IMPG1: variants seen among roughly 807,000 people sequenced by gnomAD.
The protein encoded by IMPG1 is interphotoreceptor matrix proteoglycan of 150 kDa.
In IMPG1, 85 loss-of-function variants were observed where a neutral mutation model predicts 92.0. That is an observed-to-expected ratio of 0.92 (90% CI 0.78 to 1.11). The LOEUF is 1.11. IMPG1 is among the 50% of genes least tolerant of loss of function. The probability of loss-of-function intolerance (pLI) is 0.00; values close to 1 mark genes in which losing one functional copy is unlikely to be tolerated. For missense variants in IMPG1, 1,022 were observed against 956.0 expected (o/e 1.07, Z -0.91); for synonymous variants, 367 against 334.1 (o/e 1.10, Z -1.08).
intron 1 of IMPG1, among the ~76,000 whole-genome samples, chr6:76,068,081 G>T (rs924061226): frequency 1.3e-5 from 2 of 152,060 alleles, no homozygotes; most frequent in Non-Finnish European, 2.9e-5. Flanking sequence ...AGCTAACATC[G>T]TACCGAATGG....
intron 15 of IMPG1, among the ~76,000 whole-genome samples, chr6:75,930,390 A>T (rs1042908003): frequency 6.6e-6 from 1 of 152,272 alleles, no homozygotes; most frequent in Admixed American, 6.5e-5. Context: ...GTACATAAAC[A>T]TGAACACCAA....
chr6:75,947,418 T>G lies in IMPG1; in HGVS notation c.1940A>C (p.Tyr647Ser), dbSNP rs202200012. Residue 647 changes from tyrosine (Y) to serine (S), a missense_variant, in exon 14 of 17, where the codon TAT (tyrosine) becomes TCT (serine). Around this residue, in one of 3 missense-constraint regions of IMPG1, gnomAD observed 332 missense variants for 346.2 expected, o/e 0.96. Coordinates refer to ENST00000369950, the MANE Select transcript of IMPG1 (RefSeq NM_001563.4). ...SKMKFAKSVP[Y>S]NLTKAVHGVL... ...CCCGTGCACAGCCTTGGTGAGGTTA[T>G]ACGGCACTGACTTAGCAAACTTCAT... The G allele has an allele frequency of 6.2e-7, 1 of 1,613,964 alleles. No individual in the cohort carries two copies. Among genetic ancestry groups the G allele is most frequent in the African/African-American group, 1.3e-5 (1 of 75,040 alleles).
intron 13 of IMPG1, among the ~76,000 whole-genome samples, chr6:75,948,911 C>T (rs1265020597): frequency 2.0e-5 from 3 of 152,096 alleles, no homozygotes; most frequent in Non-Finnish European, 4.4e-5. Flanking sequence ...CAGGGATGTA[C>T]CAATGACCCA....
chr6:75,928,989 A>G (rs548560651), intron 15 of IMPG1, among the ~76,000 whole-genome samples: 2 of 152,256 alleles, frequency 1.3e-5, no homozygotes, highest in East Asian at 3.9e-4. Context: ...CATGTTTCAC[A>G]GTAATGTACT....
At chr6:76,037,567 T>C (rs1783762622) in intron 2 of IMPG1, among the ~76,000 whole-genome samples, 1 of 152,284 alleles carries the variant, frequency 6.6e-6, no homozygotes, top group Middle Eastern at 3.4e-3. Context: ...GTCAATAGTC[T>C]ACATAATATA....
chr6:75,936,660 C>T (rs1239027545), intron 14 of IMPG1, among the ~76,000 whole-genome samples: 1 of 152,196 alleles, frequency 6.6e-6, no homozygotes, highest in African/African-American at 2.4e-5. Flanking sequence ...TGTGTGAATA[C>T]CCACACACAT....
chr6:75,968,972 C>A (rs898705432), intron 12 of IMPG1, among the ~76,000 whole-genome samples: 1 of 152,108 alleles, frequency 6.6e-6, no homozygotes, highest in African/African-American at 2.4e-5. Flanking sequence ...GGTATATATA[C>A]ATAACAGAAT....
In IMPG1 at chr6:75,950,976, A is replaced by G; in HGVS notation, c.1410T>C (p.Thr470=). Residue 470 remains threonine, a synonymous_variant, in exon 13 of 17, where the codon ACT becomes ACC. Coordinates refer to ENST00000369950, the MANE Select transcript of IMPG1 (RefSeq NM_001563.4). ...TDQGTTDTMA[T]DQTMLVPGLT... Reference sequence around the variant, plus strand: ...GCCCTGGTACTAGCATTGTCTGGTCAGTGGCCATTGTATCTGTGGTGCCTT... The same window carrying G: ...GCCCTGGTACTAGCATTGTCTGGTCGGTGGCCATTGTATCTGTGGTGCCTT... 1 of 1,613,964 alleles carries G rather than the reference A, an allele frequency of 6.2e-7. No homozygotes were observed. The highest frequency in any genetic ancestry group is 8.5e-7 in the Non-Finnish European group (1 of 1,179,924).
At chr6:75,960,445 T>C (rs1163005977) in intron 12 of IMPG1, among the ~76,000 whole-genome samples, 1 of 152,242 alleles carries the variant, frequency 6.6e-6, no homozygotes, top group Admixed American at 6.5e-5. Flanking sequence ...GGTTGCTTGA[T>C]AAAATACAGG....
At chr6:76,023,888 C>T (rs978402772) in intron 5 of IMPG1, among the ~76,000 whole-genome samples, 1 of 152,210 alleles carries the variant, frequency 6.6e-6, no homozygotes, top group South Asian at 2.1e-4. Flanking sequence ...ATACAAATTT[C>T]AATTCTCTTA....
At chr6:75,975,587 AT>A (rs1485339646) in intron 12 of IMPG1, among the ~76,000 whole-genome samples, 2 of 152,198 alleles carry the variant, frequency 1.3e-5, no homozygotes, top group Non-Finnish European at 1.5e-5. Context: ...ATGCAAGTGA[AT>A]TTTGTCTAAT....
intron 14 of IMPG1, among the ~76,000 whole-genome samples, chr6:75,939,020 T>G (rs1781795138): frequency 2.0e-5 from 3 of 152,050 alleles, no homozygotes; most frequent in Admixed American, 2.0e-4. Context: ...TTTGTGTGTG[T>G]AGAGACAGGG....
intron 12 of IMPG1, among the ~76,000 whole-genome samples, chr6:75,980,745 G>A (rs1461410053): frequency 6.6e-6 from 1 of 152,200 alleles, no homozygotes; most frequent in Admixed American, 6.5e-5. Context: ...TTTGGAACTC[G>A]GGCTGTCTTC....
rs192907668 is a variant in IMPG1, at chr6:76,028,914, A to G, written c.498-3656T>C. Among the ~76,000 whole-genome samples, 20 of 152,370 alleles carry G rather than the reference A, an allele frequency of 1.3e-4. No individual in the cohort carries two copies. The East Asian group carries it at 3.9e-3, about 29-fold the overall frequency. On this transcript the variant is annotated intron_variant, in intron 4 of 16. Transcript: ENST00000369950. ...CTGGTTCCTTTCGAATTTGGAAACTATCTGTGAGTATTCTTAACTTACGGC... is the reference window on the plus strand; with the variant it reads ...CTGGTTCCTTTCGAATTTGGAAACTGTCTGTGAGTATTCTTAACTTACGGC...
At chr6:75,929,994 T>C (rs1781637360) in intron 15 of IMPG1, among the ~76,000 whole-genome samples, 1 of 152,194 alleles carries the variant, frequency 6.6e-6, no homozygotes, top group African/African-American at 2.4e-5. Flanking sequence ...AAAAAAAAAT[T>C]AGGATGTTTG....
At chr6:75,945,427 T>C (rs1023139073) in intron 14 of IMPG1, among the ~76,000 whole-genome samples, 1 of 151,076 alleles carries the variant, frequency 6.6e-6, no homozygotes, top group Non-Finnish European at 1.5e-5. Context: ...TTTATCTCAC[T>C]GCAACCTCTG....
At chr6:76,067,570 C>G (rs558137474) in intron 1 of IMPG1, among the ~76,000 whole-genome samples, 8 of 152,018 alleles carry the variant, frequency 5.3e-5, no homozygotes, top group South Asian at 2.1e-4. Flanking sequence ...AATAAGAGCC[C>G]AGGACCAGGT....
intron 11 of IMPG1, among the ~76,000 whole-genome samples, chr6:76,003,583 T>G (rs1783037992): frequency 6.6e-6 from 1 of 152,184 alleles, no homozygotes; most frequent in South Asian, 2.1e-4. Flanking sequence ...CATGAAAATT[T>G]GTTTGTTTTA....
chr6:75,942,669 CCATGATGG>C (rs1781854522), intron 14 of IMPG1, among the ~76,000 whole-genome samples: 2 of 152,156 alleles, frequency 1.3e-5, no homozygotes, highest in Admixed American at 6.5e-5. Context: ...CCGTCAGTCA[CCATGATGG>C]CTTACACGCA....
Sources: gnomAD v4.1 joint callset for allele counts (sites outside exome capture counted in the v4.1 genomes callset) on GRCh38, gnomAD v4.1.1 for gene constraint, gnomAD v4.1.1 regional missense constraint, MANE v1.5 for transcripts, NCBI Gene and HGNC (gene_info 2026-07-23, HGNC 2026-07-21) for gene names.